HUNK: variants seen among roughly 807,000 people sequenced by gnomAD.
The protein encoded by HUNK is hormonally up-regulated neu tumor-associated kinase.
Under a neutral mutation model 61.0 loss-of-function variants are expected in HUNK, and 21 were observed. That is an observed-to-expected ratio of 0.34 (90% confidence interval 0.24 to 0.50). The LOEUF is 0.50. HUNK is among the 20% of genes least tolerant of loss of function. HUNK has a pLI of 0.98. For missense variants in HUNK, 772 were observed against 945.7 expected (o/e 0.82, Z 2.41); for synonymous variants, 371 against 386.1 (o/e 0.96, Z 0.46).
chr21:31,919,837 C>T (rs1207380762), intron 1 of HUNK, among the ~76,000 whole-genome samples: 2 of 152,140 alleles, frequency 1.3e-5, no homozygotes, highest in African/African-American at 4.8e-5. Flanking sequence ...TGAAAGGTGG[C>T]GTCATTCCCC....
chr21:31,914,145 T>C (rs990992097), intron 1 of HUNK, among the ~76,000 whole-genome samples: 13 of 152,028 alleles, frequency 8.6e-5, no homozygotes, highest in African/African-American at 3.1e-4. Context: ...CAGTGGCTCA[T>C]GCCTGTAATC....
intron 1 of HUNK, among the ~76,000 whole-genome samples, chr21:31,880,745 A>G (rs896252436): frequency 1.3e-5 from 2 of 152,184 alleles, no homozygotes; most frequent in Non-Finnish European, 2.9e-5. Context: ...AGCATAGTTC[A>G]AGCTCCAGCA....
At chr21:31,966,378 GCTGCT>G (rs1162919834) in intron 5 of HUNK, among the ~76,000 whole-genome samples, 1 of 152,138 alleles carries the variant, frequency 6.6e-6, no homozygotes. Flanking sequence ...TGTGAATTGT[GCTGCT>G]ATAAACATGT....
chr21:31,992,595 G>A (rs1353336584), intron 9 of HUNK, among the ~76,000 whole-genome samples: 1 of 152,218 alleles, frequency 6.6e-6, no homozygotes, highest in African/African-American at 2.4e-5. Context: ...AAGTCTATGT[G>A]GGTGCTGGAG....
At chr21:31,922,209 G>C (rs1440638992) in intron 1 of HUNK, among the ~76,000 whole-genome samples, 1 of 151,698 alleles carries the variant, frequency 6.6e-6, no homozygotes, top group Admixed American at 6.6e-5. Context: ...TAGAGACAGG[G>C]TTTCGCCATG....
At chr21:31,900,790 A>G (rs2052461337) in intron 1 of HUNK, among the ~76,000 whole-genome samples, 1 of 152,216 alleles carries the variant, frequency 6.6e-6, no homozygotes, top group Non-Finnish European at 1.5e-5. Context: ...TTCCCAGGGT[A>G]GTTTCAGTAT....
chr21:31,922,300 A>G (rs2052627824), intron 1 of HUNK, among the ~76,000 whole-genome samples: 1 of 148,682 alleles, frequency 6.7e-6, no homozygotes, highest in South Asian at 2.1e-4. Context: ...TACAGGCACA[A>G]GCCACCGTGC....
intron 5 of HUNK, 26 bp from the exon 6 acceptor site, chr21:31,968,224 T>A: frequency 6.2e-7 from 1 of 1,614,026 alleles, no homozygotes; most frequent in Non-Finnish European, 8.5e-7. Context: ...GTAACATGCG[T>A]GCATTCTTTC....
chr21:31,904,876 G>C (rs550790991), intron 1 of HUNK, among the ~76,000 whole-genome samples: 7 of 152,246 alleles, frequency 4.6e-5, no homozygotes, highest in African/African-American at 1.7e-4. Flanking sequence ...CGGATCACCT[G>C]AGGTCAGGAG....
intron 7 of HUNK, among the ~76,000 whole-genome samples, chr21:31,982,160 GT>G (rs1336512479): frequency 7.2e-5 from 11 of 152,196 alleles, no homozygotes; most frequent in Non-Finnish European, 1.5e-5. Flanking sequence ...TCCTGAACAA[GT>G]TGTCTATGGG....
At chr21:31,994,686 C>T (rs1272449080) in intron 9 of HUNK, among the ~76,000 whole-genome samples, 1 of 151,690 alleles carries the variant, frequency 6.6e-6, no homozygotes, top group East Asian at 1.9e-4. Context: ...AATTTTAGTT[C>T]AGTTCAGTTT....
At position 31,873,125 on chromosome 21, in the gene HUNK, T is replaced by G. The variant is rs2052226534; in HGVS notation, c.-550T>G. 6.6e-6 allele frequency among the ~76,000 whole-genome samples: 1 copy of G among 152,206 alleles called. No individual in the cohort carries two copies. Among genetic ancestry groups the G allele is most frequent in the African/African-American group, 2.4e-5 (1 of 41,568 alleles). The stretch of plus-strand genomic sequence containing the variant: ...AAATTCAAACTGAATGGGGCTTTCT[T>G]CTGCTGCCTTCCAGAGGGCGCCGGC... On this transcript the variant is annotated 5_prime_UTR_variant, in exon 1 of 11. Transcript: ENST00000270112. The surrounding 1 kb of genome is among the most constrained non-coding windows in gnomAD (Gnocchi z 6.1).
At position 31,995,813 on chromosome 21, in the gene HUNK, C is replaced by G. The variant is rs765288551; in HGVS notation, c.1351C>G (p.Arg451Gly). 14 of 1,614,010 alleles carry G rather than the reference C, an allele frequency of 8.7e-6. No homozygotes were observed. The highest frequency in any genetic ancestry group is 1.2e-5 in the Non-Finnish European group (14 of 1,179,998). The change falls in exon 10 of 11, where the codon CGA becomes GGA. Residue 451 changes from arginine (R) to glycine (G), a missense_variant. Physicochemically the swap from Arg to Gly is moderately radical, Grantham distance 125. Transcript: ENST00000270112. ...AGAAAAAAGAGGGGATTTTCTTCAT[C>G]GACCATTCTCCAAGAAGTTGGACAA... ...EQEKRGDFLH[R>G]PFSKKLDKNL...
intron 7 of HUNK, among the ~76,000 whole-genome samples, chr21:31,979,723 G>A (rs113268744): frequency 4.6e-4 from 70 of 151,582 alleles, no homozygotes; most frequent in South Asian, 4.2e-3. Flanking sequence ...CACCGTGTTA[G>A]CCAGGATGGT....
chr21:31,876,733 C>T (rs2052265167), intron 1 of HUNK, among the ~76,000 whole-genome samples: 1 of 152,206 alleles, frequency 6.6e-6, no homozygotes, highest in Admixed American at 6.5e-5. Context: ...GGAGGCCTCT[C>T]TCCCTCATTA....
intron 1 of HUNK, among the ~76,000 whole-genome samples, chr21:31,917,912 A>G (rs1476740057): frequency 6.6e-6 from 1 of 152,158 alleles, no homozygotes; most frequent in Non-Finnish European, 1.5e-5. Context: ...TTTTACTGCC[A>G]TTTGATAGCA....
In HUNK at chr21:31,999,736, A is replaced by G. The variant is rs552919702; in HGVS notation, c.*552A>G. ...AGAGGAAGATGGAGAGGAGCTTCGG[A>G]CCAAGATCAAACCAAACAGTGGGGA... On this transcript the variant is annotated 3_prime_UTR_variant, in exon 11 of 11. Coordinates refer to ENST00000270112, the MANE Select transcript of HUNK (RefSeq NM_014586.2). The G allele has an allele frequency of 1.2e-5, 2 of 161,184 alleles. No individual in the cohort carries two copies. Among genetic ancestry groups the G allele is most frequent in the African/African-American group, 4.8e-5 (2 of 41,948 alleles). 10.0% of individuals were successfully genotyped at this position (161,184 alleles called of 1,614,324 possible). A position where few individuals can be genotyped will look rare whatever the true frequency, so the allele number is the denominator to read the frequency against.
chr21:32,000,493 G>A lies in HUNK; in HGVS notation c.*1309G>A, dbSNP rs2053239067. ...ACTGTATCCAGCTGGCACTTGACAG[G>A]GTGCAGTCATTGGTGAGAAGAATCA... On this transcript the variant is annotated 3_prime_UTR_variant, in exon 11 of 11. Coordinates refer to ENST00000270112, the MANE Select transcript of HUNK (RefSeq NM_014586.2). The A allele has an allele frequency of 7.5e-6, 3 of 398,874 alleles. 1 individual carries two copies. The East Asian group carries it at 1.1e-4, about 14-fold the overall frequency. 24.7% of individuals were successfully genotyped at this position (398,874 alleles called of 1,614,324 possible).
chr21:31,991,237 A>G (rs1479407584), intron 9 of HUNK, among the ~76,000 whole-genome samples: 1 of 150,114 alleles, frequency 6.7e-6, no homozygotes, highest in Non-Finnish European at 1.5e-5. Flanking sequence ...TTTTTTTTTG[A>G]GGTGGAGTCT....
Sources: gnomAD v4.1 joint callset for allele counts (sites outside exome capture counted in the v4.1 genomes callset) on GRCh38, gnomAD v4.1.1 for gene constraint, Gnocchi (gnomAD v3.1) non-coding constraint, MANE v1.5 for transcripts, NCBI Gene and HGNC (gene_info 2026-07-23, HGNC 2026-07-21) for gene names.